Variants in ZFHX3 observed in about 807,000 individuals in gnomAD.
ZFHX3 encodes zinc finger homeobox 3.
A neutral mutation model predicts 279.1 loss-of-function variants in ZFHX3; 42 were observed. The observed-to-expected ratio is 0.15, with a 90% CI of 0.12 to 0.19. The LOEUF (loss-of-function observed/expected upper bound fraction) is 0.19. Ranked by LOEUF, ZFHX3 falls within the 10% of genes least tolerant of loss-of-function variation. ZFHX3 has a pLI of 1.00. For missense variants in ZFHX3, 4,981 were observed against 4,754.0 expected (o/e 1.05, Z -1.40); for synonymous variants, 2,293 against 1,957.8 (o/e 1.17, Z -4.52).
chr16:73,744,239 T>A (rs1399895824), intron 1 of ZFHX3, among the ~76,000 whole-genome samples: 1 of 152,234 alleles, frequency 6.6e-6, no homozygotes, highest in Non-Finnish European at 1.5e-5. Context: ...TATCTAAAGA[T>A]GTTTGCCAGT....
chr16:73,183,756 C>T (rs1464846669), intron 5 of ZFHX3, among the ~76,000 whole-genome samples: 1 of 152,098 alleles, frequency 6.6e-6, no homozygotes, highest in Non-Finnish European at 1.5e-5. Flanking sequence ...CAGGGTGCGT[C>T]CTTATCTGTG....
At chr16:73,214,834 G>A (rs1010279633) in intron 5 of ZFHX3, among the ~76,000 whole-genome samples, 4 of 140,206 alleles carry the variant, frequency 2.9e-5, no homozygotes, top group African/African-American at 1.1e-4. Flanking sequence ...CCATTGAAAT[G>A]CTGAAGGCCT....
intron 3 of ZFHX3, among the ~76,000 whole-genome samples, chr16:73,379,826 G>A (rs1433944465): frequency 6.6e-6 from 1 of 152,158 alleles, no homozygotes; most frequent in Non-Finnish European, 1.5e-5. Context: ...CCAACTCAGG[G>A]GTAAATTAGG....
intron 1 of ZFHX3, among the ~76,000 whole-genome samples, chr16:73,751,540 T>C (rs1301736021): frequency 1.3e-5 from 2 of 152,206 alleles, no homozygotes; most frequent in Non-Finnish European, 2.9e-5. Context: ...TGTGTGTGTG[T>C]ATATATGTTT....
At position 72,958,779 on chromosome 16, in the gene ZFHX3, A is replaced by G. The variant is rs749945663; in HGVS notation, c.1367T>C (p.Val456Ala). The G allele has an allele frequency of 1.7e-5, 28 of 1,612,476 alleles. No individual in the cohort carries two copies. Among genetic ancestry groups the G allele is most frequent in the Non-Finnish European group, 2.4e-5 (28 of 1,179,626 alleles). ...CTCCGCCTCCTCTTCGGCTGGCTCTACCTTCTCAGAGAAGCAATCCCCGTC... is the reference window on the plus strand; with the variant it reads ...CTCCGCCTCCTCTTCGGCTGGCTCTGCCTTCTCAGAGAAGCAATCCCCGTC... Reference protein sequence around the residue: ...VGDGDCFSEKVEPAEEEAEEE... With the variant: ...VGDGDCFSEKAEPAEEEAEEE... Residue 456 changes from valine (V) to alanine (A), a missense_variant, in exon 2 of 10, where the codon GTA (valine) becomes GCA (alanine). Val to Ala is a moderately conservative substitution (Grantham distance 64). Coordinates refer to ENST00000268489, the MANE Select transcript of ZFHX3 (RefSeq NM_006885.4).
intron 2 of ZFHX3, among the ~76,000 whole-genome samples, chr16:73,556,326 G>T (rs982396468): frequency 6.6e-6 from 1 of 152,062 alleles, no homozygotes; most frequent in African/African-American, 2.4e-5. Flanking sequence ...GGGGAGGGGG[G>T]TGGCGGAAGA....
In ZFHX3 at chr16:73,090,420, T is replaced by C. The variant is rs1051186233; in HGVS notation, c.-533+2815A>G. 1.3e-5 allele frequency among the ~76,000 whole-genome samples: 2 copies of C among 152,162 alleles called. 1 individual carries two copies. Among genetic ancestry groups the C allele is most frequent in the African/African-American group, 4.8e-5 (2 of 41,430 alleles). Reference sequence around the variant, plus strand: ...AGTAAATAAATAAATAAAGTACATTTGTTGTTGTGTACTTGGTTATCTTTT... The same window carrying C: ...AGTAAATAAATAAATAAAGTACATTCGTTGTTGTGTACTTGGTTATCTTTT... On this transcript the variant is annotated intron_variant, in intron 8 of 17. Coordinates refer to the ZFHX3 transcript ENST00000641206.
chr16:73,408,082 C>G (rs1262815028), intron 3 of ZFHX3, among the ~76,000 whole-genome samples: 1 of 149,818 alleles, frequency 6.7e-6, no homozygotes, highest in African/African-American at 2.5e-5. Context: ...GGGGAAGAAG[C>G]TCTGGTTGCA....
chr16:73,764,879 T>G (rs1287487041), intron 1 of ZFHX3, among the ~76,000 whole-genome samples: 2 of 152,206 alleles, frequency 1.3e-5, no homozygotes, highest in African/African-American at 2.4e-5. Context: ...CGTCTTGGAT[T>G]TGACAGGCAG....
chr16:73,804,106 G>C (rs750399036), intron 1 of ZFHX3, among the ~76,000 whole-genome samples: 24 of 152,164 alleles, frequency 1.6e-4, no homozygotes, highest in Non-Finnish European at 4.4e-5. Flanking sequence ...CCAGTGAGCC[G>C]AGATTGTGCT....
intron 1 of ZFHX3, among the ~76,000 whole-genome samples, chr16:73,740,909 A>G (rs771541718): frequency 1.3e-5 from 2 of 152,158 alleles, no homozygotes; most frequent in Non-Finnish European, 2.9e-5. Context: ...ACCTCCTCAT[A>G]TACCCAACTG....
intron 3 of ZFHX3, among the ~76,000 whole-genome samples, chr16:73,434,367 C>G (rs1374347072): frequency 6.6e-6 from 1 of 152,170 alleles, no homozygotes; most frequent in Non-Finnish European, 1.5e-5. Context: ...GAAGCAGGGA[C>G]TGAGGACTAA....
chr16:72,933,636 C>T (rs796543845), intron 3 of ZFHX3, among the ~76,000 whole-genome samples: 1 of 152,198 alleles, frequency 6.6e-6, no homozygotes, highest in South Asian at 2.1e-4. Context: ...GTACACTCCA[C>T]CCCTCCCCCT....
intron 1 of ZFHX3, among the ~76,000 whole-genome samples, chr16:73,716,699 C>T (rs1237159119): frequency 6.6e-6 from 1 of 151,860 alleles, no homozygotes; most frequent in Non-Finnish European, 1.5e-5. Flanking sequence ...ATAATTGAAC[C>T]GGTCCGAGCG....
chr16:73,026,472 G>C (rs1330930913), intron 1 of ZFHX3, among the ~76,000 whole-genome samples: 1 of 151,870 alleles, frequency 6.6e-6, no homozygotes, highest in African/African-American at 2.4e-5. Flanking sequence ...AGGAGTTCGA[G>C]ACCAGCCTGA....
At chr16:73,871,495 AGAGAG>A (rs1179179857) in intron 1 of ZFHX3, among the ~76,000 whole-genome samples, 3 of 144,276 alleles carry the variant, frequency 2.1e-5, no homozygotes, top group African/African-American at 8.3e-5. Flanking sequence ...AAAAAAAAAA[AGAGAG>A]AGAGAGAGAG....
At chr16:73,683,426 G>A (rs986781511) in intron 1 of ZFHX3, among the ~76,000 whole-genome samples, 4 of 152,150 alleles carry the variant, frequency 2.6e-5, no homozygotes, top group Non-Finnish European at 5.9e-5. Context: ...AATAAACATT[G>A]TATTTTAAGT....
chr16:72,812,117 A>T, intron 5 of ZFHX3, 79 bp from the exon 6 acceptor site: 1 of 1,536,978 alleles, frequency 6.5e-7, no homozygotes, highest in Non-Finnish European at 8.7e-7. Flanking sequence ...GTGAAAATCA[A>T]CATTCATTTA....
At chr16:73,114,301 G>T (rs1286942188) in intron 7 of ZFHX3, among the ~76,000 whole-genome samples, 1 of 145,950 alleles carries the variant, frequency 6.9e-6, no homozygotes, top group African/African-American at 2.4e-5. Context: ...TCACACTATG[G>T]TTGAAGATAA....
Sources: allele counts gnomAD v4.1 joint callset (sites outside exome capture counted in the v4.1 genomes callset), GRCh38; gene constraint gnomAD v4.1.1; transcripts MANE v1.5; gene names NCBI Gene and HGNC (gene_info 2026-07-23, HGNC 2026-07-21).